USP42: variants seen among roughly 807,000 people sequenced by gnomAD.
The protein encoded by USP42 is ubiquitin specific peptidase 42.
In USP42, 23 loss-of-function variants were observed where a neutral mutation model predicts 113.0. The ratio of observed to expected loss-of-function variants is 0.20; its 90% CI spans 0.15 to 0.29. The LOEUF is 0.29. USP42 is among the 10% of genes least tolerant of loss of function. USP42 has a pLI of 1.00. For missense variants in USP42, 2,174 were observed against 1,779.8 expected (o/e 1.22, Z -3.99); for synonymous variants, 933 against 699.0 (o/e 1.33, Z -5.28).
Position 6,149,962 on chromosome 7 carries a change from C to G in USP42, c.1766C>G (p.Ser589Cys). ...CCGATCCCCCGCAGTGAATCCTGCT[C>G]CCAGCCCGTGATGAATGGCAAATCC... is the stretch of plus-strand genomic sequence containing the variant. ...TKPIPRSESC[S>C]QPVMNGKSKL... Residue 589 changes from serine to cysteine, a missense_variant, in exon 13 of 18, where the codon TCC (serine) becomes TGC (cysteine). Ser to Cys is a moderately radical substitution (Grantham distance 112). Coordinates refer to ENST00000306177, the MANE Select transcript of USP42 (RefSeq NM_032172.3). 6.2e-7 allele frequency: 1 copy of G among 1,613,942 alleles called. No individual in the cohort carries two copies. Among genetic ancestry groups the G allele is most frequent in the Non-Finnish European group, 8.5e-7 (1 of 1,179,882 alleles).
chr7:6,139,955 T>C lies in USP42; in HGVS notation c.657-173T>C, dbSNP rs574035192. Reference sequence around the variant, plus strand: ...CCGCCACTCCCAGACCTCCCTGTGTTCTGGCCAGGAAGGGATGCTCTTGGG... The same window carrying C: ...CCGCCACTCCCAGACCTCCCTGTGTCCTGGCCAGGAAGGGATGCTCTTGGG... On this transcript the variant is annotated intron_variant, in intron 5 of 17. Transcript: ENST00000306177. The surrounding 1 kb of genome is among the most constrained non-coding windows in gnomAD (Gnocchi z 4.5). 67 of 661,790 alleles carry C rather than the reference T, an allele frequency of 1.0e-4. No individual in the cohort carries two copies. Among genetic ancestry groups the C allele is most frequent in the Admixed American group, 2.4e-4 (10 of 42,426 alleles). The allele number at this position is 661,790 out of a possible 1,614,324, so 41.0% of individuals were successfully genotyped here.
intron 10 of USP42, 29 bp from the exon 11 acceptor site, chr7:6,146,119 C>G (rs201699014): frequency 4.3e-6 from 6 of 1,409,680 alleles, no homozygotes; most frequent in African/African-American, 2.9e-5. Flanking sequence ...TAAATCTAAT[C>G]TCTCTCTTTT....
chr7:6,102,693 T>G (rs779647689), upstream of USP42, among the ~76,000 whole-genome samples: 7 of 150,650 alleles, frequency 4.6e-5, no homozygotes. Flanking sequence ...TACAAGCAGA[T>G]GTAGTAGTGG....
intron 6 of USP42, among the ~76,000 whole-genome samples, chr7:6,140,682 C>T (rs1271176013): frequency 6.6e-6 from 1 of 152,090 alleles, no homozygotes; most frequent in African/African-American, 2.4e-5. Context: ...AGGTTGTCTT[C>T]TAAGAGGGTA....
intron 1 of USP42, among the ~76,000 whole-genome samples, chr7:6,106,710 A>G (rs1779300030): frequency 1.3e-5 from 2 of 150,334 alleles, no homozygotes; most frequent in African/African-American, 4.9e-5. Context: ...GACTACAGGC[A>G]CATGCCACCA....
Position 6,111,367 on chromosome 7 carries a change from G to T in USP42, c.234G>T (p.Lys78Asn), listed in dbSNP as rs1779587495. ...VPDKSKPSPQ[K>N]DQALGDGIAP... ...ATAAATCAAAACCATCACCACAAAA[G>T]GATCAAGGTACTGTTTTTCAAAAGA... The change falls in exon 2 of 18, where the codon AAG (lysine) becomes AAT (asparagine). Residue 78 changes from lysine to asparagine, a missense_variant. Physicochemically the swap from Lys to Asn is moderately conservative, Grantham distance 94. Transcript: ENST00000306177. 1.2e-6 allele frequency: 2 copies of T among 1,610,598 alleles called. No homozygotes were observed. The highest frequency in any genetic ancestry group is 1.7e-6 in the Non-Finnish European group (2 of 1,177,784).
At chr7:6,156,385 G>A (rs755482331) in intron 15 of USP42, among the ~76,000 whole-genome samples, 9 of 152,198 alleles carry the variant, frequency 5.9e-5, no homozygotes, top group Admixed American at 5.2e-4. Context: ...AGATGGGACT[G>A]TTCAGGATGG....
intron 14 of USP42, 34 bp from the exon 15 acceptor site, chr7:6,153,722 C>T (rs1350170931): frequency 7.0e-7 from 1 of 1,429,254 alleles, no homozygotes; most frequent in Non-Finnish European, 9.2e-7. Flanking sequence ...CAAGCCCACG[C>T]TAACGGGCGT....
intron 3 of USP42, among the ~76,000 whole-genome samples, chr7:6,118,527 A>T (rs1780035947): frequency 1.3e-5 from 2 of 152,036 alleles, no homozygotes; most frequent in Admixed American, 6.6e-5. Flanking sequence ...CTCAAGGAAA[A>T]AAGAAAAGAC....
chr7:6,136,490 T>G (rs1162046381), intron 4 of USP42, among the ~76,000 whole-genome samples: 1 of 152,216 alleles, frequency 6.6e-6, no homozygotes, highest in Non-Finnish European at 1.5e-5. Flanking sequence ...ACTATTCAAT[T>G]TAATATAACA....
At chr7:6,090,857 T>TTC in the USP42 span, among the ~76,000 whole-genome samples, 1 of 148,314 alleles carries the variant, frequency 6.7e-6, no homozygotes, top group South Asian at 2.1e-4. Flanking sequence ...TATAACTAAC[T>TTC]TCTATTAGTA....
chr7:6,102,994 C>T (rs1186589418), upstream of USP42, among the ~76,000 whole-genome samples: 1 of 150,830 alleles, frequency 6.6e-6, no homozygotes, highest in Non-Finnish European at 1.5e-5. Context: ...GCCAGGTAAA[C>T]ATGAGTTGGT....
rs773104529 is a variant in USP42 at position 6,153,943 on chromosome 7, G to T, written c.2389G>T (p.Ala797Ser). 2.5e-6 allele frequency: 4 copies of T among 1,596,812 alleles called. No individual in the cohort carries two copies. Among genetic ancestry groups the T allele is most frequent in the East Asian group, 2.2e-5 (1 of 44,494 alleles). ...KEGAWEAMAV[A>S]PEEPPPSAGE... ...AGGCGCCTGGGAGGCCATGGCCGTC[G>T]CCCCCGAGGAGCCTCCGCCCAGCGC... Residue 797 changes from alanine (A) to serine (S), a missense_variant, in exon 15 of 18, where the codon GCC (alanine) becomes TCC (serine). Coordinates refer to ENST00000306177, the MANE Select transcript of USP42 (RefSeq NM_032172.3).
At position 6,158,364 on chromosome 7, in the gene USP42, C is replaced by T. The variant is rs922975946; in HGVS notation, c.3944-1086C>T. On this transcript the variant is annotated intron_variant, in intron 16 of 17. Transcript: ENST00000306177. The surrounding 1 kb of genome is among the most constrained non-coding windows in gnomAD (Gnocchi z 4.2). ...CCTGGACGCCCATTGTTTGTGTTCACGTGTGAAGCGCATCCCCTCCTCCCA... is the reference window on the plus strand; with the variant it reads ...CCTGGACGCCCATTGTTTGTGTTCATGTGTGAAGCGCATCCCCTCCTCCCA... Among the ~76,000 whole-genome samples, 3 of 151,978 alleles carry T rather than the reference C, an allele frequency of 2.0e-5. No individual in the cohort carries two copies. The highest frequency in any genetic ancestry group is 4.4e-5 in the Non-Finnish European group (3 of 68,042).
At chr7:6,135,809 G>A (rs1301074620) in intron 3 of USP42, 32 bp from the exon 4 acceptor site, 1 of 1,431,568 alleles carries the variant, frequency 7.0e-7, no homozygotes, top group Non-Finnish European at 9.6e-7. Flanking sequence ...GTTGTATTTT[G>A]CTAATTTGGA....
chr7:6,155,819 A>G (rs1782417346), intron 15 of USP42, among the ~76,000 whole-genome samples: 1 of 152,160 alleles, frequency 6.6e-6, no homozygotes, highest in Admixed American at 6.5e-5. Flanking sequence ...TGATGCCATC[A>G]TAACTCACTG....
At position 6,154,805 on chromosome 7, in the gene USP42, A is replaced by G. The variant is rs1325663931; in HGVS notation, c.3251A>G (p.Glu1084Gly). The change falls in exon 15 of 18, where the codon GAG becomes GGG. Residue 1084 changes from glutamate to glycine, a missense_variant. Physicochemically the swap from Glu to Gly is moderately conservative, Grantham distance 98. Coordinates refer to ENST00000306177, the MANE Select transcript of USP42 (RefSeq NM_032172.3). ...CCCTTCCACGGCGGCCGCGAGCACG[A>G]GCGGGCCGGGCTGCACGAGCGGCCG... is the stretch of plus-strand genomic sequence containing the variant. ...WKPFHGGREH[E>G]RAGLHERPHK... is the part of the protein sequence containing the mutation. 2 of 1,545,604 alleles carry G rather than the reference A, an allele frequency of 1.3e-6. No individual in the cohort carries two copies. Among genetic ancestry groups the G allele is most frequent in the East Asian group, 4.9e-5 (2 of 40,616 alleles).
intron 3 of USP42, among the ~76,000 whole-genome samples, chr7:6,133,387 G>A (rs1262563497): frequency 1.3e-5 from 2 of 152,078 alleles, no homozygotes; most frequent in African/African-American, 4.8e-5. Context: ...TTGTTATTTT[G>A]AGATTTTCTC....
At chr7:6,135,215 T>G (rs1469556297) in intron 3 of USP42, among the ~76,000 whole-genome samples, 1 of 152,214 alleles carries the variant, frequency 6.6e-6, no homozygotes, top group African/African-American at 2.4e-5. Context: ...GCTTTCAAAT[T>G]TGAAAGAGTA....
Sources: allele counts gnomAD v4.1 joint callset (sites outside exome capture counted in the v4.1 genomes callset), GRCh38; gene constraint gnomAD v4.1.1; non-coding constraint Gnocchi (gnomAD v3.1); transcripts MANE v1.5; gene names NCBI Gene and HGNC (gene_info 2026-07-23, HGNC 2026-07-21).